The following KBTBD11 variants were observed in gnomAD, a reference collection of about 807,000 sequenced individuals.
KBTBD11 encodes kelch repeat and BTB domain-containing protein 11.
For synonymous variants in KBTBD11, 747 were observed against 499.0 expected, an observed-to-expected ratio of 1.50 and a Z score of -6.63; for missense variants, 1,390 against 1,001.8, an observed-to-expected ratio of 1.39 and a Z score of -5.23.
chr8:1,977,633 C>T (rs1366649454), intron 1 of KBTBD11, among the ~76,000 whole-genome samples: 1 of 152,186 alleles, frequency 6.6e-6, no homozygotes, highest in African/African-American at 2.4e-5. Flanking sequence ...AAGCAATTCT[C>T]ATGTCTCAGT....
chr8:1,999,445 G>C (rs143315071), intron 1 of KBTBD11, among the ~76,000 whole-genome samples: 157 of 152,336 alleles, frequency 1.0e-3, no homozygotes, highest in African/African-American at 3.7e-3. Flanking sequence ...TAGAAGGCCA[G>C]AATGAAGTTG....
At chr8:1,981,622 C>G (rs1342297206) in intron 1 of KBTBD11, among the ~76,000 whole-genome samples, 1 of 152,182 alleles carries the variant, frequency 6.6e-6, no homozygotes, top group African/African-American at 2.4e-5. Flanking sequence ...AAGATTTGCC[C>G]TCAGTACCGT....
In KBTBD11 at chr8:2,001,694, C is replaced by T; in HGVS notation, c.502C>T (p.Arg168Cys). 1 of 1,435,034 alleles carries T rather than the reference C, an allele frequency of 7.0e-7. No individual in the cohort carries two copies. Among genetic ancestry groups the T allele is most frequent in the Non-Finnish European group, 9.1e-7 (1 of 1,099,226 alleles). 88.9% of individuals were successfully genotyped at this position (1,435,034 alleles called of 1,614,324 possible). A position where few individuals can be genotyped will look rare whatever the true frequency, so the allele number is the denominator to read the frequency against. Residue 168 changes from arginine to cysteine, a missense_variant, in exon 2 of 2, where the codon CGC (arginine) becomes TGC (cysteine). Coordinates refer to ENST00000320248, the MANE Select transcript of KBTBD11 (RefSeq NM_014867.3). ...GGCGCGCAGCGACTACTTCCGCGCG[C>T]GCGCGTCGCGGGACGTGCTGCGGGT... is the stretch of plus-strand genomic sequence containing the variant. ...LAARSDYFRA[R>C]ASRDVLRVQG...
intron 1 of KBTBD11, among the ~76,000 whole-genome samples, chr8:1,997,018 C>T (rs925706581): frequency 2.0e-5 from 3 of 152,180 alleles, no homozygotes; most frequent in East Asian, 3.8e-4. Flanking sequence ...GCGCGCCCCC[C>T]GTGCCTTCCA....
In KBTBD11 at chr8:2,003,781, TTAACTGATG is replaced by T. The variant is rs1475912035; in HGVS notation, c.*720_*728del. 2 of 167,084 alleles carry T rather than the reference TTAACTGATG, an allele frequency of 1.2e-5. No individual in the cohort carries two copies. The highest frequency in any genetic ancestry group is 3.8e-4 in the East Asian group (2 of 5,200). The allele number at this position is 167,084 out of a possible 1,614,324, so 10.4% of individuals were successfully genotyped here. ...TTTCATATTTTCAGTTGAAAGGATG[TTAACTGATG>T]TAGCGATGATTTACCATTATTTAAA... On this transcript the variant is annotated 3_prime_UTR_variant, in exon 2 of 2. Coordinates refer to ENST00000320248, the MANE Select transcript of KBTBD11 (RefSeq NM_014867.3).
chr8:1,998,578 A>G (rs1046042158), intron 1 of KBTBD11, among the ~76,000 whole-genome samples: 3 of 152,186 alleles, frequency 2.0e-5, no homozygotes, highest in Non-Finnish European at 2.9e-5. Flanking sequence ...CCAGAGAAAG[A>G]ACTAGGGAGC....
At chr8:1,989,665 C>T (rs1470270460) in intron 1 of KBTBD11, among the ~76,000 whole-genome samples, 1 of 152,216 alleles carries the variant, frequency 6.6e-6, no homozygotes, top group Non-Finnish European at 1.5e-5. Flanking sequence ...CCCCTCTCTG[C>T]ACGACGCATC....
chr8:1,975,467 C>T (rs1816303666), intron 1 of KBTBD11, among the ~76,000 whole-genome samples: 1 of 152,096 alleles, frequency 6.6e-6, no homozygotes, highest in Admixed American at 6.5e-5. Flanking sequence ...CATTGTGTTA[C>T]AATTGCCTGC....
chr8:1,980,206 A>T (rs1052928105), intron 1 of KBTBD11, among the ~76,000 whole-genome samples: 1 of 149,202 alleles, frequency 6.7e-6, no homozygotes, highest in Non-Finnish European at 1.5e-5. Context: ...AGCCTAAATG[A>T]TGTGAAATAC....
Position 2,002,214 on chromosome 8 carries a change from C to T in KBTBD11, c.1022C>T (p.Thr341Met), listed in dbSNP as rs989870299. The change falls in exon 2 of 2, where the codon ACG (threonine) becomes ATG (methionine). Residue 341 changes from threonine to methionine, a missense_variant. Transcript: ENST00000320248. This position sits in a 1 kb window ranked among gnomAD's most constrained non-coding sequence, Gnocchi z 4.1. ...HAAAGEWREL[T>M]RLPEGAPARG... is the part of the protein sequence containing the mutation. The stretch of plus-strand genomic sequence containing the variant: ...GCGGCCGGAGAGTGGCGCGAGCTGA[C>T]GCGGCTGCCCGAGGGCGCGCCGGCG... 2.6e-5 allele frequency: 33 copies of T among 1,261,366 alleles called. No homozygotes were observed. The highest frequency in any genetic ancestry group is 3.1e-5 in the Non-Finnish European group (31 of 1,007,464). The allele number at this position is 1,261,366 out of a possible 1,614,324, so 78.1% of individuals were successfully genotyped here. A position where few individuals can be genotyped will look rare whatever the true frequency, so the allele number is the denominator to read the frequency against.
In KBTBD11 at chr8:2,001,610, C is replaced by A; in HGVS notation, c.418C>A (p.Pro140Thr). 6.8e-7 allele frequency: 1 copy of A among 1,476,324 alleles called. No individual in the cohort carries two copies. The highest frequency in any genetic ancestry group is 8.9e-7 in the Non-Finnish European group (1 of 1,119,038). 91.5% of individuals were successfully genotyped at this position (1,476,324 alleles called of 1,614,324 possible). A position where few individuals can be genotyped will look rare whatever the true frequency, so the allele number is the denominator to read the frequency against. ...GGGGTTCGGGGCGGTGTACGGGGAG[C>A]CGGACCTGGTGCTGGAGGTGTCGGG... ...PPGFGAVYGE[P>T]DLVLEVSGRR... Residue 140 changes from proline to threonine, a missense_variant, in exon 2 of 2, where the codon CCG becomes ACG. By Grantham distance (38) the Pro-to-Thr change is conservative. Transcript: ENST00000320248.
intron 1 of KBTBD11, among the ~76,000 whole-genome samples, chr8:1,990,197 C>T (rs930443944): frequency 6.6e-6 from 1 of 151,860 alleles, no homozygotes; most frequent in Non-Finnish European, 1.5e-5. Flanking sequence ...GATGCTGGGC[C>T]TTGGCGCCCT....
rs181304716 is a variant in KBTBD11 at position 1,987,567 on chromosome 8, C to T, written c.-908-12718C>T. Among the ~76,000 whole-genome samples, 3 of 152,230 alleles carry T rather than the reference C, an allele frequency of 2.0e-5. No individual in the cohort carries two copies. In the East Asian group the frequency reaches 5.8e-4, roughly 29 times the overall value. On this transcript the variant is annotated intron_variant, in intron 1 of 1. Transcript: ENST00000320248. ...CAAGCACCCCTGCGCTCCGGCCACC[C>T]TCGGTCTCTAGAACCTGTCAAGCTT... is the stretch of plus-strand genomic sequence containing the variant.
At position 2,001,787 on chromosome 8, in the gene KBTBD11, G is replaced by T. The variant is rs755754378; in HGVS notation, c.595G>T (p.Val199Leu). Reference sequence around the variant, plus strand: ...CGCCTACAGCGGGCGCATGGCGGGCGTGCGGCCCGACAACGTGGCCGAGGT... The same window carrying T: ...CGCCTACAGCGGGCGCATGGCGGGCTTGCGGCCCGACAACGTGGCCGAGGT... ...ADAYSGRMAG[V>L]RPDNVAEVVA... The change falls in exon 2 of 2, where the codon GTG becomes TTG. Residue 199 changes from valine to leucine, a missense_variant. Transcript: ENST00000320248. 4.8e-6 allele frequency: 6 copies of T among 1,262,002 alleles called. No homozygotes were observed. Among genetic ancestry groups the T allele is most frequent in the South Asian group, 2.7e-5 (1 of 36,540 alleles). The allele number at this position is 1,262,002 out of a possible 1,614,324, so 78.2% of individuals were successfully genotyped here.
At chr8:1,981,979 T>G (rs1007991534) in intron 1 of KBTBD11, among the ~76,000 whole-genome samples, 1 of 152,256 alleles carries the variant, frequency 6.6e-6, no homozygotes, top group East Asian at 1.9e-4. Context: ...CCCTAGCAAA[T>G]CCCCTCTCAT....
At chr8:1,991,521 G>A (rs981228231) in intron 1 of KBTBD11, among the ~76,000 whole-genome samples, 1 of 152,230 alleles carries the variant, frequency 6.6e-6, no homozygotes. Flanking sequence ...TGGAGATAAT[G>A]AGCTTTCCCT....
chr8:1,980,960 C>G (rs1478389051), intron 1 of KBTBD11, among the ~76,000 whole-genome samples: 1 of 152,180 alleles, frequency 6.6e-6, no homozygotes, highest in Non-Finnish European at 1.5e-5. Context: ...CAGACTTCTT[C>G]TCAGCTTGTT....
At chr8:1,974,653 C>A (rs1269823047) in intron 1 of KBTBD11, 1 of 985,264 alleles carries the variant, frequency 1.0e-6, no homozygotes, top group Admixed American at 6.1e-5. Context: ...GCGCCCCTTG[C>A]AGCCCCCGCC....
In KBTBD11 at chr8:2,002,024, G is replaced by C; in HGVS notation, c.832G>C (p.Gly278Arg). Residue 278 changes from glycine to arginine, a missense_variant, in exon 2 of 2, where the codon GGC becomes CGC. Transcript: ENST00000320248. This position sits in a 1 kb window ranked among gnomAD's most constrained non-coding sequence, Gnocchi z 4.1. The stretch of plus-strand genomic sequence containing the variant: ...GCCCGCCGTGTTCGGCCGCCTGTCG[G>C]GCGCAGAGCGGGACCTGCTGCTGCG... ...REPAVFGRLS[G>R]AERDLLLRRR... 7.2e-7 allele frequency: 1 copy of C among 1,388,502 alleles called. No individual in the cohort carries two copies. Among genetic ancestry groups the C allele is most frequent in the Non-Finnish European group, 9.4e-7 (1 of 1,058,822 alleles). 86.0% of individuals were successfully genotyped at this position (1,388,502 alleles called of 1,614,324 possible). A position where few individuals can be genotyped will look rare whatever the true frequency, so the allele number is the denominator to read the frequency against.
Sources: allele counts gnomAD v4.1 joint callset (sites outside exome capture counted in the v4.1 genomes callset), GRCh38; gene constraint gnomAD v4.1.1; non-coding constraint Gnocchi (gnomAD v3.1); transcripts MANE v1.5; gene names NCBI Gene and HGNC (gene_info 2026-07-23, HGNC 2026-07-21).